Variants in C8orf34 observed in about 807,000 individuals in gnomAD.
C8orf34 encodes chromosome 8 open reading frame 34.
In C8orf34, 65 loss-of-function variants were observed where a neutral mutation model predicts 68.3. The observed-to-expected ratio is 0.95, with a 90% CI of 0.78 to 1.17. C8orf34 has a LOEUF of 1.17. Ranked by LOEUF, C8orf34 falls within the 50% of genes most tolerant of loss-of-function variation. The probability of loss-of-function intolerance (pLI) is 0.00; values close to 1 mark genes in which losing one functional copy is unlikely to be tolerated. For missense variants in C8orf34, 664 were observed against 655.4 expected (o/e 1.01, Z -0.14); for synonymous variants, 244 against 241.2 (o/e 1.01, Z -0.11).
In C8orf34 at chr8:68,603,110, C is replaced by G. The variant is rs140956159; in HGVS notation, c.1106-37266C>G. ...CTCTTCTGTTCATCTTTCAAATCTT[C>G]CTAAGTTTGTTCGTGGGATTATGTC... On this transcript the variant is annotated intron_variant, in intron 7 of 13. Transcript: ENST00000518698. Among the ~76,000 whole-genome samples, 530 of 151,816 alleles carry G rather than the reference C, an allele frequency of 3.5e-3. 6 individuals carry two copies. Among genetic ancestry groups the G allele is most frequent in the African/African-American group, 0.012 (508 of 41,294 alleles).
rs576815830 is a variant in C8orf34, at chr8:68,687,507, T to C, written c.1242-21487T>C. Among the ~76,000 whole-genome samples, 8 of 151,948 alleles carry C rather than the reference T, an allele frequency of 5.3e-5. No homozygotes were observed. In the South Asian group the frequency reaches 1.7e-3, roughly 32 times the overall value. ...TGACAAAGCATACAAAACCATAAAT[T>C]AGGGAAAGGACACCGTATTCAAAAA... On this transcript the variant is annotated intron_variant, in intron 8 of 13. Coordinates refer to ENST00000518698, the MANE Select transcript of C8orf34 (RefSeq NM_052958.4).
At chr8:68,614,046 G>A (rs376095652) in intron 7 of C8orf34, among the ~76,000 whole-genome samples, 2 of 152,094 alleles carry the variant, frequency 1.3e-5, no homozygotes, top group Non-Finnish European at 2.9e-5. Flanking sequence ...GCCAGTGATG[G>A]TGAGCATTTT....
intron 8 of C8orf34, among the ~76,000 whole-genome samples, chr8:68,675,392 T>C (rs906059126): frequency 3.9e-5 from 6 of 151,984 alleles, no homozygotes; most frequent in African/African-American, 1.2e-4. Flanking sequence ...AAGATATAAA[T>C]AGAAACAAGA....
chr8:68,754,738 C>T (rs148278702), intron 10 of C8orf34, among the ~76,000 whole-genome samples: 157 of 152,268 alleles, frequency 1.0e-3, no homozygotes, highest in African/African-American at 3.6e-3. Context: ...TTGAAGGTGA[C>T]ATGGGTATCA....
intron 7 of C8orf34, among the ~76,000 whole-genome samples, chr8:68,637,562 G>T (rs1818882677): frequency 6.6e-6 from 1 of 152,088 alleles, no homozygotes; most frequent in Admixed American, 6.6e-5. Context: ...AAAAGAAATT[G>T]TTCATGACCT....
intron 1 of C8orf34, among the ~76,000 whole-genome samples, chr8:68,413,335 G>A (rs1416443132): frequency 5.9e-5 from 9 of 152,308 alleles, no homozygotes; most frequent in Admixed American, 3.9e-4. Context: ...CAACTGCAGA[G>A]CAGAAGTATC....
At chr8:68,513,580 A>G (rs75043567) in intron 5 of C8orf34, among the ~76,000 whole-genome samples, 1 of 150,892 alleles carries the variant, frequency 6.6e-6, no homozygotes, top group Non-Finnish European at 1.5e-5. Context: ...GGAATAAAAA[A>G]TAAAAGTTAA....
intron 5 of C8orf34, among the ~76,000 whole-genome samples, chr8:68,513,731 G>A (rs1814380702): frequency 6.6e-6 from 1 of 152,216 alleles, no homozygotes; most frequent in Non-Finnish European, 1.5e-5. Flanking sequence ...TCCAGGGAAG[G>A]GGAACGCAGT....
chr8:68,376,399 G>A (rs1052030318), intron 1 of C8orf34, among the ~76,000 whole-genome samples: 1 of 152,002 alleles, frequency 6.6e-6, no homozygotes, highest in Admixed American at 6.6e-5. Flanking sequence ...AATAACATAA[G>A]AAGAATTCCC....
intron 5 of C8orf34, among the ~76,000 whole-genome samples, chr8:68,520,999 C>T (rs895030879): frequency 1.3e-5 from 2 of 152,242 alleles, no homozygotes; most frequent in South Asian, 2.1e-4. Flanking sequence ...TTTTATTTTA[C>T]CATTGTTTTC....
At chr8:68,464,053 A>G (rs1275334602) in intron 3 of C8orf34, among the ~76,000 whole-genome samples, 1 of 152,198 alleles carries the variant, frequency 6.6e-6, no homozygotes, top group Non-Finnish European at 1.5e-5. Context: ...CCATTGTCTC[A>G]GCCCAAAATC....
At chr8:68,668,680 G>A (rs1204977908) in intron 8 of C8orf34, among the ~76,000 whole-genome samples, 1 of 152,188 alleles carries the variant, frequency 6.6e-6, no homozygotes, top group East Asian at 1.9e-4. Context: ...GATGGAAAGA[G>A]TATCCTAATG....
chr8:68,817,700 A>G (rs1824859889), intron 13 of C8orf34, among the ~76,000 whole-genome samples: 1 of 152,146 alleles, frequency 6.6e-6, no homozygotes, highest in Non-Finnish European at 1.5e-5. Flanking sequence ...ATAAAGACAT[A>G]CCTGAGACTG....
At chr8:68,804,304 A>G (rs1034674637) in intron 12 of C8orf34, among the ~76,000 whole-genome samples, 4 of 152,184 alleles carry the variant, frequency 2.6e-5, no homozygotes, top group African/African-American at 9.6e-5. Context: ...GATGTTACTT[A>G]TTCTGTACTT....
chr8:68,789,258 T>G (rs550968047), intron 12 of C8orf34, among the ~76,000 whole-genome samples: 3 of 152,368 alleles, frequency 2.0e-5, no homozygotes, highest in Non-Finnish European at 4.4e-5. Context: ...TACTGTTAGA[T>G]CCTACAAGAG....
intron 4 of C8orf34, among the ~76,000 whole-genome samples, chr8:68,486,893 T>C (rs1813101512): frequency 6.6e-6 from 1 of 152,182 alleles, no homozygotes; most frequent in Admixed American, 6.5e-5. Flanking sequence ...GACCTTTCCT[T>C]ATCTCTTGGC....
intron 7 of C8orf34, among the ~76,000 whole-genome samples, chr8:68,574,888 A>T (rs538161988): frequency 2.6e-5 from 4 of 151,774 alleles, no homozygotes; most frequent in African/African-American, 7.2e-5. Flanking sequence ...TGTCTTCTTT[A>T]AAAAAAAGCA....
At chr8:68,412,313 G>T (rs956337795) in intron 1 of C8orf34, among the ~76,000 whole-genome samples, 2 of 152,110 alleles carry the variant, frequency 1.3e-5, no homozygotes, top group African/African-American at 4.8e-5. Flanking sequence ...TTAATGTAAT[G>T]TTTTATAATT....
chr8:68,568,147 T>A (rs1816652942), intron 7 of C8orf34, among the ~76,000 whole-genome samples: 1 of 152,098 alleles, frequency 6.6e-6, no homozygotes, highest in Non-Finnish European at 1.5e-5. Context: ...CCCAAAGCAA[T>A]TACAATAGGA....
Sources: allele counts gnomAD v4.1 joint callset (sites outside exome capture counted in the v4.1 genomes callset), GRCh38; gene constraint gnomAD v4.1.1; transcripts MANE v1.5; gene names NCBI Gene and HGNC (gene_info 2026-07-23, HGNC 2026-07-21).